DPYD: variants seen among roughly 807,000 people sequenced by gnomAD.
The protein encoded by DPYD is dihydropyrimidine dehydrogenase.
In DPYD, 109 loss-of-function variants were observed where a neutral mutation model predicts 116.2. The observed-to-expected ratio is 0.94, with a 90% CI of 0.80 to 1.10. The LOEUF is 1.10. Ranked by LOEUF, DPYD falls within the 50% of genes least tolerant of loss-of-function variation. The pLI is 0.00. For synonymous variants in DPYD, 440 were observed against 432.0 expected, an observed-to-expected ratio of 1.02 and a Z score of -0.23; for missense variants, 1,302 against 1,254.5, an observed-to-expected ratio of 1.04 and a Z score of -0.57.
intron 3 of DPYD, among the ~76,000 whole-genome samples, chr1:97,816,220 C>T (rs1409775321): frequency 1.3e-5 from 2 of 151,380 alleles, no homozygotes; most frequent in African/African-American, 2.4e-5. Flanking sequence ...ACTACAGGTG[C>T]CAAACACATT....
At chr1:97,186,034 T>C (rs545667750) in intron 20 of DPYD, among the ~76,000 whole-genome samples, 102 of 152,324 alleles carry the variant, frequency 6.7e-4, no homozygotes, top group Non-Finnish European at 9.1e-4. Context: ...AAGTTGTAAA[T>C]AGGAAATTAT....
At chr1:97,271,601 C>T (rs909051333) in intron 18 of DPYD, among the ~76,000 whole-genome samples, 1 of 152,166 alleles carries the variant, frequency 6.6e-6, no homozygotes, top group African/African-American at 2.4e-5. Flanking sequence ...TCTCCACATT[C>T]TGCCGATATT....
intron 8 of DPYD, among the ~76,000 whole-genome samples, chr1:97,644,297 T>C (rs142510017): frequency 6.6e-6 from 1 of 152,306 alleles, no homozygotes; most frequent in Non-Finnish European, 1.5e-5. Context: ...TAATTTTATA[T>C]ATCTACCAAA....
intron 10 of DPYD, among the ~76,000 whole-genome samples, chr1:97,584,355 T>C (rs1445509078): frequency 1.3e-5 from 2 of 152,120 alleles, no homozygotes; most frequent in East Asian, 3.9e-4. Flanking sequence ...TCCCATTCTG[T>C]AGGTTGCCTG....
intron 3 of DPYD, among the ~76,000 whole-genome samples, chr1:97,819,632 T>C (rs959727136): frequency 6.6e-6 from 1 of 152,090 alleles, no homozygotes; most frequent in South Asian, 2.1e-4. Context: ...TCTTCTTCAA[T>C]GCCACTTTGA....
At chr1:97,589,469 G>A (rs868221507) in intron 10 of DPYD, among the ~76,000 whole-genome samples, 7 of 152,150 alleles carry the variant, frequency 4.6e-5, no homozygotes, top group African/African-American at 1.4e-4. Flanking sequence ...GCCACCTTGT[G>A]AAGAAGGTGC....
intron 2 of DPYD, among the ~76,000 whole-genome samples, chr1:97,880,626 A>T (rs1672162506): frequency 6.6e-6 from 1 of 151,976 alleles, no homozygotes; most frequent in East Asian, 1.9e-4. Context: ...TACTATTTTA[A>T]CATAGATCTA....
At chr1:97,492,401 T>G (rs192828104) in intron 13 of DPYD, among the ~76,000 whole-genome samples, 2 of 152,232 alleles carry the variant, frequency 1.3e-5, no homozygotes, top group East Asian at 3.9e-4. Flanking sequence ...TAAAATGACT[T>G]TAAGGAAAAT....
chr1:97,412,035 G>T (rs900463450), intron 14 of DPYD, among the ~76,000 whole-genome samples: 1 of 152,130 alleles, frequency 6.6e-6, no homozygotes, highest in Non-Finnish European at 1.5e-5. Context: ...TATTTACAAT[G>T]CATGCAAAGG....
intron 19 of DPYD, among the ~76,000 whole-genome samples, chr1:97,216,070 G>A (rs1220949632): frequency 6.6e-6 from 1 of 152,000 alleles, no homozygotes; most frequent in Non-Finnish European, 1.5e-5. Flanking sequence ...TGCTTTTATT[G>A]CTTTTTCCAT....
intron 20 of DPYD, among the ~76,000 whole-genome samples, chr1:97,101,418 G>A (rs968075785): frequency 3.0e-5 from 4 of 133,146 alleles, no homozygotes; most frequent in Non-Finnish European, 4.6e-5. Flanking sequence ...AGGATCAACC[G>A]ATCACCTTTA....
intron 1 of DPYD, 138 bp downstream of exon 1, chr1:97,920,746 G>T: frequency 7.9e-7 from 1 of 1,271,880 alleles, no homozygotes; most frequent in South Asian, 1.3e-5. Flanking sequence ...CCGCTCCCCC[G>T]CAGAGCTCCC....
chr1:97,562,793 G>A (rs1296623965), intron 11 of DPYD, among the ~76,000 whole-genome samples: 2 of 152,012 alleles, frequency 1.3e-5, no homozygotes, highest in African/African-American at 4.8e-5. Flanking sequence ...ATCTTGGCTC[G>A]CTGCAACCTC....
Position 97,659,851 on chromosome 1 carries a change from C to T in DPYD, c.850+19244G>A, listed in dbSNP as rs143148361. On this transcript the variant is annotated intron_variant, in intron 8 of 22. Transcript: ENST00000370192. Reference sequence around the variant, plus strand: ...CATTCACCTTCATTTCTTCAATTTCCACCTTACTGTATATGAGTATTGTAT... The same window carrying T: ...CATTCACCTTCATTTCTTCAATTTCTACCTTACTGTATATGAGTATTGTAT... Among the ~76,000 whole-genome samples, 1,137 of 152,098 alleles carry T rather than the reference C, an allele frequency of 7.5e-3. 7 individuals are homozygous for T. Among genetic ancestry groups the T allele is most frequent in the Non-Finnish European group, 0.013 (851 of 67,942 alleles).
intron 3 of DPYD, among the ~76,000 whole-genome samples, chr1:97,801,690 G>A (rs1001680050): frequency 2.0e-5 from 3 of 151,742 alleles, no homozygotes; most frequent in African/African-American, 4.8e-5. Context: ...AATATCTGAG[G>A]GCAGAGGGAT....
chr1:97,342,088 A>AC (rs1470161724), intron 16 of DPYD, among the ~76,000 whole-genome samples: 1 of 152,228 alleles, frequency 6.6e-6, no homozygotes, highest in Non-Finnish European at 1.5e-5. Context: ...TGAGTCAATG[A>AC]ATTTATTTCA....
At chr1:97,556,540 A>G (rs1221139802) in intron 11 of DPYD, among the ~76,000 whole-genome samples, 10 of 117,598 alleles carry the variant, frequency 8.5e-5, no homozygotes, top group African/African-American at 2.6e-4. Context: ...AGAGTGTGAT[A>G]TTCCCCTTCC....
intron 16 of DPYD, among the ~76,000 whole-genome samples, chr1:97,353,873 G>A (rs977432731): frequency 6.6e-6 from 1 of 152,070 alleles, no homozygotes; most frequent in African/African-American, 2.4e-5. Flanking sequence ...ATAAAGCCAG[G>A]GATTACTTCT....
intron 16 of DPYD, among the ~76,000 whole-genome samples, chr1:97,326,640 G>A (rs1024135890): frequency 1.3e-5 from 2 of 151,908 alleles, no homozygotes; most frequent in Non-Finnish European, 2.9e-5. Context: ...ATACTGCAGA[G>A]AAATTAGGTA....
Sources: allele counts gnomAD v4.1 joint callset (sites outside exome capture counted in the v4.1 genomes callset), GRCh38; gene constraint gnomAD v4.1.1; transcripts MANE v1.5; gene names NCBI Gene and HGNC (gene_info 2026-07-23, HGNC 2026-07-21).